PUS7: variants seen among roughly 807,000 people sequenced by gnomAD.
The protein encoded by PUS7 is pseudouridine synthase 7, also known as pseudouridylate synthase 7 homolog.
A neutral mutation model predicts 79.8 loss-of-function variants in PUS7; 48 were observed. That is an observed-to-expected ratio of 0.60 (90% CI 0.48 to 0.76). The LOEUF is 0.76. Ranked by LOEUF, PUS7 falls within the 30% of genes least tolerant of loss-of-function variation. PUS7 has a pLI of 0.00. For synonymous variants in PUS7, 286 were observed against 272.2 expected (o/e 1.05, Z -0.50); for missense variants, 729 against 797.6 (o/e 0.91, Z 1.04).
chr7:105,502,468 T>C lies in PUS7; in HGVS notation c.682A>G (p.Lys228Glu). 6.2e-7 allele frequency: 1 copy of C among 1,614,144 alleles called. No individual in the cohort carries two copies. Among genetic ancestry groups the C allele is most frequent in the South Asian group, 1.1e-5 (1 of 91,084 alleles). ...GCGTGGTAGGCTACAATGTATTTCT[T>C]CCCCTCCCTATCCTCTGTTTTTGTC... Reference protein sequence around the residue: ...LETKTEDREGKKYIVAYHAAG... With the variant: ...LETKTEDREGEKYIVAYHAAG... The change falls in exon 5 of 16, where the codon AAG becomes GAG. Residue 228 changes from lysine (K) to glutamate (E), a missense_variant. By Grantham distance (56) the Lys-to-Glu change is moderately conservative. Transcript: ENST00000469408.
rs369037610 is a variant in PUS7 at position 105,506,269 on chromosome 7, A to C, written c.403T>G (p.Ser135Ala). The change falls in exon 3 of 16, where the codon TCC (serine) becomes GCC (alanine). Residue 135 changes from serine (S) to alanine (A), a missense_variant. Coordinates refer to ENST00000469408, the MANE Select transcript of PUS7 (RefSeq NM_019042.5). ...CCTATTTCATGAACAACGAAGTCGG[A>C]GTATCTGATGAAAGAAAACATGAAC... ...GFSGILKERY[S>A]DFVVHEIGKD... is the part of the protein sequence containing the mutation. 144 of 1,607,846 alleles carry C rather than the reference A, an allele frequency of 9.0e-5. No homozygotes were observed. Among genetic ancestry groups the C allele is most frequent in the South Asian group, 5.7e-4 (51 of 89,898 alleles).
intron 9 of PUS7, among the ~76,000 whole-genome samples, chr7:105,475,374 ATGGGGTTT>A (rs1824054962): frequency 6.6e-6 from 1 of 151,548 alleles, no homozygotes; most frequent in African/African-American, 2.4e-5. Flanking sequence ...GTTAGTAGAG[ATGGGGTTT>A]CACTGTGTTA....
chr7:105,468,889 CT>C (rs1038231621), intron 11 of PUS7, among the ~76,000 whole-genome samples: 2 of 151,768 alleles, frequency 1.3e-5, no homozygotes, highest in African/African-American at 4.8e-5. Context: ...TTCTACTGTA[CT>C]TATTTATTTA....
chr7:105,483,660 G>GT (rs889974432), intron 7 of PUS7, among the ~76,000 whole-genome samples: 4 of 150,752 alleles, frequency 2.7e-5, no homozygotes, highest in African/African-American at 9.8e-5. Flanking sequence ...ACCTGGCTAT[G>GT]TTTTTTTGTA....
In PUS7 at chr7:105,522,238, C is replaced by G. The variant is rs1826154749; in HGVS notation, c.-219G>C. The stretch of plus-strand genomic sequence containing the variant: ...CGACTCACCGGCGGCCGGGCTCGCA[C>G]ACGTGCGGCGCAGCGACGCGCCGCG... On this transcript the variant is annotated 5_prime_UTR_variant, in exon 1 of 16. Transcript: ENST00000469408. 1 of 151,758 alleles carries G rather than the reference C, an allele frequency of 6.6e-6. No homozygotes were observed. The highest frequency in any genetic ancestry group is 6.6e-5 in the Admixed American group (1 of 15,230). The allele number at this position is 151,758 out of a possible 1,614,324, so 9.4% of individuals were successfully genotyped here.
intron 1 of PUS7, among the ~76,000 whole-genome samples, chr7:105,510,405 G>A (rs537537368): frequency 1.3e-5 from 2 of 152,286 alleles, no homozygotes; most frequent in African/African-American, 4.8e-5. Flanking sequence ...ATGGGGAGGT[G>A]TCATACAGGT....
chr7:105,484,845 CCAGT>C (rs1824481351), intron 7 of PUS7, among the ~76,000 whole-genome samples: 1 of 148,676 alleles, frequency 6.7e-6, no homozygotes, highest in Non-Finnish European at 1.5e-5. Flanking sequence ...TAGGATGTCA[CCAGT>C]CAGAGATTTT....
At position 105,457,707 on chromosome 7, in the gene PUS7, G is replaced by A; in HGVS notation, c.*83C>T. The A allele has an allele frequency of 7.7e-7, 1 of 1,297,410 alleles. No homozygotes were observed. The highest frequency in any genetic ancestry group is 1.1e-6 in the Non-Finnish European group (1 of 946,634). The allele number at this position is 1,297,410 out of a possible 1,614,324, so 80.4% of individuals were successfully genotyped here. Reference sequence around the variant, plus strand: ...TTACAAAGATTTGAAATCCATATATGAGTCTGAACTAAGACAAAAATGCAC... The same window carrying A: ...TTACAAAGATTTGAAATCCATATATAAGTCTGAACTAAGACAAAAATGCAC... On this transcript the variant is annotated 3_prime_UTR_variant, in exon 16 of 16. Transcript: ENST00000469408.
chr7:105,459,002 T>C (rs1433600262), intron 15 of PUS7, among the ~76,000 whole-genome samples, 166 bp downstream of exon 15: 1 of 152,208 alleles, frequency 6.6e-6, no homozygotes, highest in African/African-American at 2.4e-5. Flanking sequence ...TTACTGGTTT[T>C]AATCACTAAC....
In PUS7 at chr7:105,456,708, G is replaced by A. The variant is rs1338833943; in HGVS notation, c.*1082C>T. 3 of 152,110 alleles carry A rather than the reference G, an allele frequency of 2.0e-5. No individual in the cohort carries two copies. Among genetic ancestry groups the A allele is most frequent in the Non-Finnish European group, 4.4e-5 (3 of 68,024 alleles). 9.4% of individuals were successfully genotyped at this position (152,110 alleles called of 1,614,324 possible). The stretch of plus-strand genomic sequence containing the variant: ...ACATGGAAATACCAAAGCCACTGGT[G>A]ACAAAGGGTAAACGCTACTGATAGA... On this transcript the variant is annotated 3_prime_UTR_variant, in exon 16 of 16. Coordinates refer to ENST00000469408, the MANE Select transcript of PUS7 (RefSeq NM_019042.5).
At chr7:105,501,664 C>T (rs1234683360) in intron 5 of PUS7, among the ~76,000 whole-genome samples, 3 of 151,946 alleles carry the variant, frequency 2.0e-5, no homozygotes, top group East Asian at 3.9e-4. Context: ...TCTTTCAATA[C>T]AGGGGTCTTG....
intron 15 of PUS7, among the ~76,000 whole-genome samples, chr7:105,458,915 T>C (rs1394754720): frequency 6.6e-6 from 1 of 152,138 alleles, no homozygotes; most frequent in African/African-American, 2.4e-5. Flanking sequence ...TTGGTAAGTC[T>C]CTGTGGGGGA....
Position 105,458,073 on chromosome 7 carries a change from G to T in PUS7, c.1850-147C>A, listed in dbSNP as rs1375672798. 5.8e-6 allele frequency: 5 copies of T among 855,272 alleles called. No individual in the cohort carries two copies. The African/African-American group carries it at 8.6e-5, about 15-fold the overall frequency. 53.0% of individuals were successfully genotyped at this position (855,272 alleles called of 1,614,324 possible). On this transcript the variant is annotated intron_variant, in intron 15 of 15. Coordinates refer to ENST00000469408, the MANE Select transcript of PUS7 (RefSeq NM_019042.5). ...GGGGGCCTTGGAGAATGAGACCATGGAAGTAAGAGATCTGTGAGTGTGAAC... is the reference window on the plus strand; with the variant it reads ...GGGGGCCTTGGAGAATGAGACCATGTAAGTAAGAGATCTGTGAGTGTGAAC...
rs1037478351 is a variant in PUS7, at chr7:105,457,510, T to C, written c.*280A>G. 1.7e-5 allele frequency: 4 copies of C among 229,354 alleles called. No homozygotes were observed. Among genetic ancestry groups the C allele is most frequent in the African/African-American group, 9.1e-5 (4 of 43,944 alleles). The allele number at this position is 229,354 out of a possible 1,614,324, so 14.2% of individuals were successfully genotyped here. A position where few individuals can be genotyped will look rare whatever the true frequency, so the allele number is the denominator to read the frequency against. ...AACCTGCTACTTTAAACCAAAGTCCTTTTTTTATTATTGTAAAGCTGACAT... is the reference window on the plus strand; with the variant it reads ...AACCTGCTACTTTAAACCAAAGTCCCTTTTTTATTATTGTAAAGCTGACAT... On this transcript the variant is annotated 3_prime_UTR_variant, in exon 16 of 16. Transcript: ENST00000469408.
In PUS7 at chr7:105,457,730, C is replaced by T. The variant is rs1482432898; in HGVS notation, c.*60G>A. ...ATGAGTCTGAACTAAGACAAAAATG[C>T]ACAGGGAGCCAGGAAGCAAACACTT... On this transcript the variant is annotated 3_prime_UTR_variant, in exon 16 of 16. Coordinates refer to ENST00000469408, the MANE Select transcript of PUS7 (RefSeq NM_019042.5). 4 of 1,552,068 alleles carry T rather than the reference C, an allele frequency of 2.6e-6. No homozygotes were observed. The Admixed American group carries it at 5.6e-5, about 22-fold the overall frequency.
intron 5 of PUS7, 50 bp downstream of exon 5, chr7:105,502,370 C>G: frequency 1.2e-6 from 2 of 1,608,682 alleles, no homozygotes; most frequent in Non-Finnish European, 1.7e-6. Flanking sequence ...AGGAGCGGGG[C>G]CTGCCGCTCA....
intron 6 of PUS7, among the ~76,000 whole-genome samples, chr7:105,493,198 A>G (rs960585184): frequency 3.9e-5 from 6 of 152,252 alleles, no homozygotes; most frequent in African/African-American, 1.4e-4. Context: ...GCTTTGTATT[A>G]AAAAATGAAA....
intron 6 of PUS7, among the ~76,000 whole-genome samples, chr7:105,492,707 G>A (rs920607676): frequency 1.5e-4 from 22 of 151,126 alleles, no homozygotes; most frequent in African/African-American, 4.6e-4. Flanking sequence ...GGGTTTCACC[G>A]TTTTTTAGCC....
At chr7:105,515,993 T>C (rs1295440074) in intron 1 of PUS7, among the ~76,000 whole-genome samples, 1 of 151,982 alleles carries the variant, frequency 6.6e-6, no homozygotes, top group Admixed American at 6.6e-5. Flanking sequence ...GTATTTTTAC[T>C]AGAGACGGGG....
Sources: allele counts gnomAD v4.1 joint callset (sites outside exome capture counted in the v4.1 genomes callset), GRCh38; gene constraint gnomAD v4.1.1; transcripts MANE v1.5; gene names NCBI Gene and HGNC (gene_info 2026-07-23, HGNC 2026-07-21).